Variants in ADGRL3 observed in about 807,000 individuals in gnomAD.
ADGRL3 encodes the protein adhesion G protein-coupled receptor L3, also known as calcium-independent alpha-latrotoxin receptor 3.
In ADGRL3, 62 loss-of-function variants were observed where a neutral mutation model predicts 153.5. The ratio of observed to expected loss-of-function variants is 0.40; its 90% CI spans 0.33 to 0.50. The LOEUF is 0.50. Among genes scored for constraint, ADGRL3 ranks in the 20% least tolerant of loss-of-function variants. The probability of loss-of-function intolerance (pLI) is 0.47; values close to 1 mark genes in which losing one functional copy is unlikely to be tolerated. For missense variants in ADGRL3, 1,641 were observed against 1,859.4 expected (o/e 0.88, Z 2.16); for synonymous variants, 710 against 672.5 (o/e 1.06, Z -0.86).
chr4:61,858,308 A>C (rs907603155), intron 9 of ADGRL3, among the ~76,000 whole-genome samples: 2 of 152,186 alleles, frequency 1.3e-5, no homozygotes, highest in Non-Finnish European at 2.9e-5. Flanking sequence ...ACAAATGAGC[A>C]TGGCTGTGTG....
chr4:61,405,493 A>C (rs542546176), intron 2 of ADGRL3, among the ~76,000 whole-genome samples: 2 of 152,072 alleles, frequency 1.3e-5, no homozygotes, highest in Admixed American at 1.3e-4. Flanking sequence ...TTACTGAAAC[A>C]TTCCTATATC....
intron 1 of ADGRL3, among the ~76,000 whole-genome samples, chr4:61,273,017 T>G (rs1314577752): frequency 2.0e-5 from 3 of 152,290 alleles, no homozygotes; most frequent in Non-Finnish European, 4.4e-5. Context: ...TACTACTCAG[T>G]ATTCTTATCT....
intron 5 of ADGRL3, among the ~76,000 whole-genome samples, chr4:61,623,105 C>A (rs972823294): frequency 5.3e-5 from 8 of 152,074 alleles, no homozygotes; most frequent in Non-Finnish European, 1.0e-4. Flanking sequence ...ATTAATCTTT[C>A]CCACAATGGC....
rs184186527 is a variant in ADGRL3 at position 61,988,259 on chromosome 4, A to G, written c.3236+4656A>G. On this transcript the variant is annotated intron_variant, in intron 19 of 26. Transcript: ENST00000683033. ...TTTTATCTGTACTGACATTATATTCAAGAATGTACTTAGAACTAACATTTG... is the reference window on the plus strand; with the variant it reads ...TTTTATCTGTACTGACATTATATTCGAGAATGTACTTAGAACTAACATTTG... 1.7e-3 allele frequency among the ~76,000 whole-genome samples: 261 copies of G among 152,306 alleles called. 4 individuals carry two copies. The highest frequency in any genetic ancestry group is 6.0e-3 in the African/African-American group (248 of 41,572).
chr4:61,817,428 G>A (rs2097701105), intron 9 of ADGRL3, among the ~76,000 whole-genome samples: 1 of 152,108 alleles, frequency 6.6e-6, no homozygotes, highest in African/African-American at 2.4e-5. Flanking sequence ...AAAAACCCCA[G>A]ACTCAGCCAT....
At chr4:61,203,091 C>T (rs997361323) in intron 1 of ADGRL3, among the ~76,000 whole-genome samples, 1 of 152,158 alleles carries the variant, frequency 6.6e-6, no homozygotes, top group African/African-American at 2.4e-5. Context: ...TCGATGCACC[C>T]CAGAATGGCC....
intron 1 of ADGRL3, among the ~76,000 whole-genome samples, chr4:61,330,374 G>A (rs67991398): frequency 0.073 from 11,099 of 152,180 alleles, 495 homozygotes; most frequent in South Asian, 0.12. Flanking sequence ...AAAAAAGGTA[G>A]AGGAAGGGTA....
chr4:61,842,555 A>T (rs1581098272), intron 9 of ADGRL3, among the ~76,000 whole-genome samples: 1 of 152,198 alleles, frequency 6.6e-6, no homozygotes, highest in South Asian at 2.1e-4. Flanking sequence ...ACAGCTGTGG[A>T]CTGTGAATTA....
Position 61,935,957 on chromosome 4 carries a change from C to T in ADGRL3, c.2331C>T (p.Asn777=), listed in dbSNP as rs989443157. 26 of 1,599,584 alleles carry T rather than the reference C, an allele frequency of 1.6e-5. No individual in the cohort carries two copies. Among genetic ancestry groups the T allele is most frequent in the Non-Finnish European group, 2.2e-5 (26 of 1,172,370 alleles). The part of the protein sequence containing the change: ...LEVARLSTEG[N]LEDLKFPENM... Reference sequence around the variant, plus strand: ...TTGCAAGACTGAGCACAGAAGGAAACTTAGAAGACCTAAAATTTCCAGAAA... The same window carrying T: ...TTGCAAGACTGAGCACAGAAGGAAATTTAGAAGACCTAAAATTTCCAGAAA... The change falls in exon 15 of 27, where the codon AAC becomes AAT. Residue 777 remains asparagine (N), a synonymous_variant. Coordinates refer to ENST00000683033, the MANE Select transcript of ADGRL3 (RefSeq NM_001387552.1).
intron 1 of ADGRL3, among the ~76,000 whole-genome samples, chr4:61,291,204 A>G (rs78141647): frequency 2.3e-3 from 64 of 27,690 alleles, no homozygotes; most frequent in East Asian, 0.01. Flanking sequence ...ACACACACAC[A>G]CACACACACA....
At chr4:61,340,231 T>A (rs2095778824) in intron 1 of ADGRL3, among the ~76,000 whole-genome samples, 1 of 152,180 alleles carries the variant, frequency 6.6e-6, no homozygotes, top group African/African-American at 2.4e-5. Flanking sequence ...GTTTGCTGCT[T>A]ACTGGAGGGT....
chr4:61,319,253 T>C (rs1056041606), intron 1 of ADGRL3, among the ~76,000 whole-genome samples: 12 of 152,150 alleles, frequency 7.9e-5, no homozygotes, highest in African/African-American at 2.9e-4. Context: ...CAACTTTTAG[T>C]CTCATTCTGG....
chr4:61,587,479 T>C (rs752417600), intron 5 of ADGRL3, 39 bp downstream of exon 5: 21 of 1,425,958 alleles, frequency 1.5e-5, no homozygotes, highest in Non-Finnish European at 2.1e-5. Context: ...GTGCACAATA[T>C]AAACCTTCAA....
intron 9 of ADGRL3, among the ~76,000 whole-genome samples, chr4:61,869,870 G>A (rs1223247538): frequency 1.4e-5 from 2 of 145,898 alleles, no homozygotes; most frequent in East Asian, 2.1e-4. Context: ...TCCAGGAGGC[G>A]GAGGTTGTGG....
intron 2 of ADGRL3, among the ~76,000 whole-genome samples, chr4:61,475,802 A>G (rs1013257988): frequency 2.6e-5 from 4 of 152,178 alleles, no homozygotes; most frequent in Non-Finnish European, 4.4e-5. Flanking sequence ...GGCTCTATGC[A>G]TTTAGTGCTG....
At chr4:62,066,777 T>C (rs1319310093) in intron 25 of ADGRL3, among the ~76,000 whole-genome samples, 1 of 152,070 alleles carries the variant, frequency 6.6e-6, no homozygotes, top group Non-Finnish European at 1.5e-5. Flanking sequence ...TATAAATAGA[T>C]TTTCTGTGAT....
In ADGRL3 at chr4:61,893,046, C is replaced by T. The variant is rs886152436; in HGVS notation, c.1783+88C>T. The T allele has an allele frequency of 6.1e-6, 4 of 657,298 alleles. No homozygotes were observed. In the African/African-American group the frequency reaches 7.6e-5, roughly 13 times the overall value. The allele number at this position is 657,298 out of a possible 1,614,324, so 40.7% of individuals were successfully genotyped here. ...TTCTTTTCCTTTTCCTTCCTCCTTTCCTCCCTCCCTCCCTTCCTCCCTCCC... is the reference window on the plus strand; with the variant it reads ...TTCTTTTCCTTTTCCTTCCTCCTTTTCTCCCTCCCTCCCTTCCTCCCTCCC... On this transcript the variant is annotated intron_variant, in intron 10 of 26. Coordinates refer to ENST00000683033, the MANE Select transcript of ADGRL3 (RefSeq NM_001387552.1).
At chr4:62,012,629 T>A (rs1427297896) in intron 21 of ADGRL3, among the ~76,000 whole-genome samples, 1 of 152,194 alleles carries the variant, frequency 6.6e-6, no homozygotes, top group Admixed American at 6.5e-5. Flanking sequence ...TGTGTTTAAT[T>A]TTTAAGAGAT....
intron 9 of ADGRL3, among the ~76,000 whole-genome samples, chr4:61,854,473 T>A (rs1043683927): frequency 1.3e-5 from 2 of 152,072 alleles, no homozygotes; most frequent in Non-Finnish European, 2.9e-5. Flanking sequence ...AGCTGAAAAA[T>A]TTATGCAAAA....
Sources: gnomAD v4.1 joint callset for allele counts (sites outside exome capture counted in the v4.1 genomes callset) on GRCh38, gnomAD v4.1.1 for gene constraint, MANE v1.5 for transcripts, NCBI Gene and HGNC (gene_info 2026-07-23, HGNC 2026-07-21) for gene names.